The following SNX29 variants were observed in gnomAD, a reference collection of about 807,000 sequenced individuals.
SNX29 encodes the protein sorting nexin-29.
A neutral mutation model predicts 102.1 loss-of-function variants in SNX29; 78 were observed. The ratio of observed to expected loss-of-function variants is 0.76; its 90% CI spans 0.64 to 0.92. SNX29 has a LOEUF of 0.92. Ranked by LOEUF, SNX29 falls within the 40% of genes least tolerant of loss-of-function variation. The pLI is 0.00. For missense variants in SNX29, 1,280 were observed against 1,061.7 expected, an observed-to-expected ratio of 1.21 and a Z score of -2.86; for synonymous variants, 580 against 414.5, an observed-to-expected ratio of 1.40 and a Z score of -4.85.
At chr16:12,545,863 G>T (rs1451441796) in intron 20 of SNX29, among the ~76,000 whole-genome samples, 1 of 152,154 alleles carries the variant, frequency 6.6e-6, no homozygotes, top group Non-Finnish European at 1.5e-5. Flanking sequence ...TCCTTGAGAG[G>T]GTGAGCCTAA....
chr16:12,506,917 C>G (rs1384714051), intron 19 of SNX29, among the ~76,000 whole-genome samples: 1 of 151,802 alleles, frequency 6.6e-6, no homozygotes, highest in Non-Finnish European at 1.5e-5. Context: ...TTTCCGATCA[C>G]CACTCATTTT....
intron 17 of SNX29, among the ~76,000 whole-genome samples, chr16:12,400,572 G>A (rs1027216346): frequency 6.6e-6 from 1 of 152,190 alleles, no homozygotes; most frequent in East Asian, 1.9e-4. Flanking sequence ...AAGCCTGGCC[G>A]AAACATTGCT....
At chr16:12,426,662 T>A (rs184193031) in intron 18 of SNX29, among the ~76,000 whole-genome samples, 33 of 152,338 alleles carry the variant, frequency 2.2e-4, no homozygotes, top group Admixed American at 1.4e-3. Context: ...TATCTCAATT[T>A]TTAAAAATTA....
At chr16:12,565,137 C>A (rs1037230987) in intron 20 of SNX29, among the ~76,000 whole-genome samples, 3 of 152,106 alleles carry the variant, frequency 2.0e-5, no homozygotes, top group South Asian at 2.1e-4. Context: ...ACATTAGCCC[C>A]CACTTCCTTT....
At chr16:12,127,056 C>G (rs2054243230) in intron 12 of SNX29, among the ~76,000 whole-genome samples, 1 of 152,034 alleles carries the variant, frequency 6.6e-6, no homozygotes, top group Non-Finnish European at 1.5e-5. Context: ...ATCACAAGGT[C>G]AGGAGTTCAA....
chr16:12,475,061 A>G (rs1012852432), intron 18 of SNX29, among the ~76,000 whole-genome samples: 1 of 152,222 alleles, frequency 6.6e-6, no homozygotes, highest in Non-Finnish European at 1.5e-5. Flanking sequence ...TAGCTGCGCT[A>G]TTCGTAGACC....
chr16:12,571,336 T>C lies in SNX29; in HGVS notation c.*2707T>C. ...AACTGCCTGTCAGCCTGGATTCAAT[T>C]CTGAGGGCTAAGCCACGACCTTATC... On this transcript the variant is annotated 3_prime_UTR_variant, in exon 21 of 21. Transcript: ENST00000566228. 1 of 231,626 alleles carries C rather than the reference T, an allele frequency of 4.3e-6. No homozygotes were observed. The highest frequency in any genetic ancestry group is 6.1e-5 in the East Asian group (1 of 16,370). The allele number at this position is 231,626 out of a possible 1,614,324, so 14.3% of individuals were successfully genotyped here.
At chr16:12,220,867 A>T (rs1175894724) in intron 14 of SNX29, among the ~76,000 whole-genome samples, 11 of 152,218 alleles carry the variant, frequency 7.2e-5, no homozygotes, top group Admixed American at 7.2e-4. Context: ...TGTTAAAATT[A>T]CGCAAATGAG....
intron 16 of SNX29, among the ~76,000 whole-genome samples, chr16:12,395,940 G>A (rs2151485006): frequency 6.6e-6 from 1 of 152,350 alleles, no homozygotes; most frequent in East Asian, 1.9e-4. Flanking sequence ...ATTTGCTACA[G>A]TGCCTGGCCT....
intron 9 of SNX29, among the ~76,000 whole-genome samples, chr16:12,062,846 C>G (rs2151275007): frequency 6.6e-6 from 1 of 152,264 alleles, no homozygotes; most frequent in East Asian, 1.9e-4. Flanking sequence ...AGGGCGGGGA[C>G]AGTCACTGGC....
chr16:12,430,535 A>G (rs1177277412), intron 18 of SNX29, among the ~76,000 whole-genome samples: 1 of 152,174 alleles, frequency 6.6e-6, no homozygotes, highest in Non-Finnish European at 1.5e-5. Context: ...AACATTCCTA[A>G]CCTCAGTTTA....
At chr16:12,041,228 C>T (rs1345124499) in intron 4 of SNX29, among the ~76,000 whole-genome samples, 6 of 152,188 alleles carry the variant, frequency 3.9e-5, no homozygotes, top group Non-Finnish European at 5.9e-5. Flanking sequence ...TCTCCTGCCT[C>T]AGCCTCCCGT....
chr16:12,551,619 T>G (rs1182384683), intron 20 of SNX29, among the ~76,000 whole-genome samples: 1 of 152,210 alleles, frequency 6.6e-6, no homozygotes, highest in Non-Finnish European at 1.5e-5. Context: ...GATCTGAGTC[T>G]GAGGCATCAA....
chr16:12,568,465 T>C (rs1259868930), intron 20 of SNX29, 41 bp from the exon 21 acceptor site: 1 of 1,604,210 alleles, frequency 6.2e-7, no homozygotes, highest in African/African-American at 1.3e-5. Flanking sequence ...CATTTGCTTT[T>C]CATCCCCAGA....
At chr16:12,434,120 G>A (rs781742976) in intron 18 of SNX29, among the ~76,000 whole-genome samples, 64 of 152,308 alleles carry the variant, frequency 4.2e-4, no homozygotes, top group Non-Finnish European at 8.1e-4. Context: ...ATGCTGGGGT[G>A]GAGAGTTTGG....
At chr16:12,489,510 G>A (rs1452003504) in intron 19 of SNX29, among the ~76,000 whole-genome samples, 1 of 152,202 alleles carries the variant, frequency 6.6e-6, no homozygotes, top group Admixed American at 6.5e-5. Context: ...GTGTGACCCT[G>A]GACAAGTCCT....
intron 17 of SNX29, among the ~76,000 whole-genome samples, chr16:12,402,390 T>C (rs2083980752): frequency 6.6e-6 from 1 of 152,266 alleles, no homozygotes; most frequent in African/African-American, 2.4e-5. Context: ...CGAGTTTTTA[T>C]GAGCTGCTCT....
chr16:12,419,545 T>C (rs1405997644), intron 18 of SNX29, among the ~76,000 whole-genome samples: 1 of 146,646 alleles, frequency 6.8e-6, no homozygotes, highest in Admixed American at 7.0e-5. Flanking sequence ...TTTAGGGGCT[T>C]AGTGTCATCA....
At chr16:12,047,537 T>G (rs2050136761) in intron 6 of SNX29, among the ~76,000 whole-genome samples, 1 of 152,168 alleles carries the variant, frequency 6.6e-6, no homozygotes, top group Admixed American at 6.5e-5. Flanking sequence ...GAGCTGAGTG[T>G]TTTGTGAGTG....
Sources: gnomAD v4.1 joint callset for allele counts (sites outside exome capture counted in the v4.1 genomes callset) on GRCh38, gnomAD v4.1.1 for gene constraint, MANE v1.5 for transcripts, NCBI Gene and HGNC (gene_info 2026-07-23, HGNC 2026-07-21) for gene names.